The following THAP10 variants were observed in gnomAD, a reference collection of about 807,000 sequenced individuals.
The protein encoded by THAP10 is THAP domain-containing protein 10.
A neutral mutation model predicts 15.7 loss-of-function variants in THAP10; 10 were observed. The ratio of observed to expected loss-of-function variants is 0.64; its 90% CI spans 0.39 to 1.08. The LOEUF (loss-of-function observed/expected upper bound fraction) is 1.08. Ranked by LOEUF, THAP10 falls within the 50% of genes least tolerant of loss-of-function variation. The pLI is 0.01. For missense variants in THAP10, 310 were observed against 330.9 expected (o/e 0.94, Z 0.49); for synonymous variants, 127 against 129.1 (o/e 0.98, Z 0.11).
At chr15:70,890,780 G>C (rs2141091884) in intron 1 of THAP10, among the ~76,000 whole-genome samples, 1 of 152,316 alleles carries the variant, frequency 6.6e-6, no homozygotes, top group South Asian at 2.1e-4. Flanking sequence ...CAACAACTGA[G>C]CAAAGTCTTG....
Position 70,882,582 on chromosome 15 carries a change from A to C in THAP10, c.646T>G (p.Trp216Gly), listed in dbSNP as rs1433111986. 1 of 1,613,796 alleles carries C rather than the reference A, an allele frequency of 6.2e-7. No individual in the cohort carries two copies. Among genetic ancestry groups the C allele is most frequent in the African/African-American group, 1.3e-5 (1 of 75,054 alleles). The change falls in exon 3 of 3, where the codon TGG (tryptophan) becomes GGG (glycine). Residue 216 changes from tryptophan to glycine, a missense_variant. Trp to Gly is a radical substitution (Grantham distance 184). Transcript: ENST00000249861. ...TCAAAGAGAGAGGAAGTTCTAGACC[A>C]CAATTCCTCTGTCTGAGTAGTTGCA... ...CNATTQTEEL[W>G]SRTSSLFDIY...
chr15:70,886,396 TC>T (rs2033408048), intron 1 of THAP10, among the ~76,000 whole-genome samples: 1 of 152,164 alleles, frequency 6.6e-6, no homozygotes, highest in Non-Finnish European at 1.5e-5. Flanking sequence ...CATTTAACAT[TC>T]ACCATAAAAA....
intron 1 of THAP10, among the ~76,000 whole-genome samples, chr15:70,890,239 T>C (rs1654657572): frequency 2.0e-5 from 3 of 152,128 alleles, no homozygotes; most frequent in Non-Finnish European, 4.4e-5. Context: ...AGTATTTATC[T>C]CTCTTGCTAC....
At chr15:70,889,610 T>C (rs2141090881) in intron 1 of THAP10, among the ~76,000 whole-genome samples, 1 of 152,278 alleles carries the variant, frequency 6.6e-6, no homozygotes, top group African/African-American at 2.4e-5. Context: ...GAATGCAAAA[T>C]TAACAGTTAA....
intron 1 of THAP10, among the ~76,000 whole-genome samples, chr15:70,883,244 C>A (rs1274540560): frequency 1.3e-5 from 2 of 151,104 alleles, no homozygotes; most frequent in African/African-American, 2.4e-5. Context: ...CAAGCTGGAG[C>A]GCAATGGTGC....
chr15:70,888,186 T>G (rs909282263), intron 1 of THAP10, among the ~76,000 whole-genome samples: 2 of 152,196 alleles, frequency 1.3e-5, no homozygotes, highest in Non-Finnish European at 2.9e-5. Flanking sequence ...AAATCAATTC[T>G]GAAATGTATC....
intron 1 of THAP10, among the ~76,000 whole-genome samples, 171 bp downstream of exon 1, chr15:70,891,673 G>A (rs536485989): frequency 7.9e-5 from 12 of 151,416 alleles, no homozygotes; most frequent in Non-Finnish European, 1.6e-4. Context: ...TAATTCCAAA[G>A]TGTTAATGAT....
chr15:70,882,662 T>A lies in THAP10; in HGVS notation c.578-12A>T. On this transcript the variant is annotated splice_polypyrimidine_tract_variant and intron_variant, in intron 2 of 2. Transcript: ENST00000249861. ...TTTGGCTTGAATACCTGAAAGAGAATAAGCATAAGTACCTATGAGTTAGAC... is the reference window on the plus strand; with the variant it reads ...TTTGGCTTGAATACCTGAAAGAGAAAAAGCATAAGTACCTATGAGTTAGAC... 1 of 1,612,940 alleles carries A rather than the reference T, an allele frequency of 6.2e-7. No homozygotes were observed. Among genetic ancestry groups the A allele is most frequent in the Non-Finnish European group, 8.5e-7 (1 of 1,179,188 alleles).
In THAP10 at chr15:70,884,590, T is replaced by C. The variant is rs17709484; in HGVS notation, c.430-1682A>G. On this transcript the variant is annotated intron_variant, in intron 1 of 2. Transcript: ENST00000249861. Reference sequence around the variant, plus strand: ...TTTGTAAAGAAATTCCTGTGAAGAGTCCCTTTGTAACACAAATCTTATTTA... The same window carrying C: ...TTTGTAAAGAAATTCCTGTGAAGAGCCCCTTTGTAACACAAATCTTATTTA... Among the ~76,000 whole-genome samples the C allele has an allele frequency of 9.8e-3, 1,487 of 151,378 alleles. 8 individuals carry two copies. Among genetic ancestry groups the C allele is most frequent in the Admixed American group, 0.017 (258 of 15,182 alleles).
chr15:70,883,617 C>T (rs2033325008), intron 1 of THAP10, among the ~76,000 whole-genome samples: 1 of 151,250 alleles, frequency 6.6e-6, no homozygotes. Context: ...ACTTTTAATA[C>T]TTTCCTGAGA....
intron 1 of THAP10, among the ~76,000 whole-genome samples, chr15:70,890,963 T>C (rs865919396): frequency 6.6e-6 from 1 of 152,156 alleles, no homozygotes; most frequent in African/African-American, 2.4e-5. Context: ...TCTTAATAAT[T>C]GCAAGATGCC....
chr15:70,891,798 C>G (rs1449108666), intron 1 of THAP10, 46 bp downstream of exon 1: 2 of 1,461,266 alleles, frequency 1.4e-6, no homozygotes, highest in East Asian at 2.3e-5. Flanking sequence ...AGGAGCCCAG[C>G]CAGAGTCCAG....
intron 1 of THAP10, among the ~76,000 whole-genome samples, chr15:70,888,260 A>G (rs542487542): frequency 6.6e-6 from 1 of 152,292 alleles, no homozygotes; most frequent in Admixed American, 6.5e-5. Flanking sequence ...AAGAGGTATT[A>G]ATCAATTGAA....
chr15:70,888,085 A>G lies in THAP10; in HGVS notation c.429+3759T>C, dbSNP rs140661435. 1.3e-3 allele frequency among the ~76,000 whole-genome samples: 196 copies of G among 152,304 alleles called. 4 individuals are homozygous for G. The East Asian group carries it at 0.036, about 28-fold the overall frequency. On this transcript the variant is annotated intron_variant, in intron 1 of 2. Transcript: ENST00000249861. ...ATATGTTCATGGATTAGAAGAGTCA[A>G]TATTGTCAATATGCCATTTATTCCC...
At position 70,882,409 on chromosome 15, in the gene THAP10, A is replaced by G. The variant is rs2033285113; in HGVS notation, c.*45T>C. 1 of 1,423,928 alleles carries G rather than the reference A, an allele frequency of 7.0e-7. No homozygotes were observed. Among genetic ancestry groups the G allele is most frequent in the Non-Finnish European group, 9.7e-7 (1 of 1,031,560 alleles). The allele number at this position is 1,423,928 out of a possible 1,614,324, so 88.2% of individuals were successfully genotyped here. ...AGCAAAGAGATAATTATGTGAGTAA[A>G]GATTTGAAAATCTATAGCACATCAG... On this transcript the variant is annotated 3_prime_UTR_variant, in exon 3 of 3. Coordinates refer to ENST00000249861, the MANE Select transcript of THAP10 (RefSeq NM_020147.4).
chr15:70,885,609 A>C (rs2033385752), intron 1 of THAP10, among the ~76,000 whole-genome samples: 1 of 152,230 alleles, frequency 6.6e-6, no homozygotes, highest in Non-Finnish European at 1.5e-5. Context: ...ACTAAGTTAA[A>C]GAAAGCTGGT....
At position 70,891,988 on chromosome 15, in the gene THAP10, CGGGGCGGGCACCCGGTGCA is replaced by C. The variant is rs754406745; in HGVS notation, c.266_284del (p.Leu89ArgfsTer90). 3.9e-5 allele frequency: 63 copies of C among 1,613,246 alleles called. 1 individual carries two copies. In the African/African-American group the frequency reaches 7.1e-4, roughly 18 times the overall value. On this transcript the variant is annotated frameshift_variant, in exon 1 of 3. Coordinates refer to ENST00000249861, the MANE Select transcript of THAP10 (RefSeq NM_020147.4). LOFTEE classifies it high-confidence loss of function. ...CTCCCTCCTCTCCCCTCTTAGGTGCCGGGGCGGGCACCCGGTGCAGGGTGGGCACGGCGCCTGCCACCAG... is the reference window on the plus strand; with the variant it reads ...CTCCCTCCTCTCCCCTCTTAGGTGCCGGGTGGGCACGGCGCCTGCCACCAG...
rs2033587055 is a variant in THAP10 at position 70,891,865 on chromosome 15, C to T, written c.408G>A (p.Gly136=). 6.2e-7 allele frequency: 1 copy of T among 1,602,326 alleles called. No individual in the cohort carries two copies. The highest frequency in any genetic ancestry group is 8.5e-7 in the Non-Finnish European group (1 of 1,174,890). The change falls in exon 1 of 3, where the codon GGG becomes GGA. Residue 136 remains glycine (G), a synonymous_variant. Transcript: ENST00000249861. ...GPVSCTRPRA[G]KQAAASQITC... ...TTACCTGTGAAGCTGCAGCCTGCTTCCCAGCTCGGGGGCGTGTACAGGAGA... is the reference window on the plus strand; with the variant it reads ...TTACCTGTGAAGCTGCAGCCTGCTTTCCAGCTCGGGGGCGTGTACAGGAGA...
At position 70,882,370 on chromosome 15, in the gene THAP10, G is replaced by T; in HGVS notation, c.*84C>A. On this transcript the variant is annotated 3_prime_UTR_variant, in exon 3 of 3. Coordinates refer to ENST00000249861, the MANE Select transcript of THAP10 (RefSeq NM_020147.4). ...CTCAACTGTCAAATTATCTTGAAGT[G>T]AAAGATTTACAATAGCAAAGAGATA... The T allele has an allele frequency of 2.4e-6, 3 of 1,225,040 alleles. No homozygotes were observed. Among genetic ancestry groups the T allele is most frequent in the Non-Finnish European group, 3.4e-6 (3 of 871,950 alleles). 75.9% of individuals were successfully genotyped at this position (1,225,040 alleles called of 1,614,324 possible). A position where few individuals can be genotyped will look rare whatever the true frequency, so the allele number is the denominator to read the frequency against.
Sources: gnomAD v4.1 joint callset for allele counts (sites outside exome capture counted in the v4.1 genomes callset) on GRCh38, gnomAD v4.1.1 for gene constraint, MANE v1.5 for transcripts, NCBI Gene and HGNC (gene_info 2026-07-23, HGNC 2026-07-21) for gene names.